CNTLN: variants seen among roughly 807,000 people sequenced by gnomAD.
The protein encoded by CNTLN is centlein, also known as centlein, centrosomal protein.
A neutral mutation model predicts 180.0 loss-of-function variants in CNTLN; 212 were observed. The observed-to-expected ratio is 1.18, with a 90% CI of 1.05 to 1.32. The LOEUF is 1.32. Ranked by LOEUF, CNTLN falls within the 40% of genes most tolerant of loss-of-function variation. The pLI is 0.00. For missense variants in CNTLN, 2,095 were observed against 1,610.9 expected, an observed-to-expected ratio of 1.30 and a Z score of -5.14; for synonymous variants, 722 against 563.1, an observed-to-expected ratio of 1.28 and a Z score of -3.99.
intron 2 of CNTLN, among the ~76,000 whole-genome samples, chr9:17,207,016 G>T (rs1822971440): frequency 6.6e-6 from 1 of 152,168 alleles, no homozygotes; most frequent in South Asian, 2.1e-4. Flanking sequence ...GGACTCTGGA[G>T]CCCAGGCTGT....
At chr9:17,504,129 A>G (rs1009132505), downstream of CNTLN, among the ~76,000 whole-genome samples, 1 of 152,092 alleles carries the variant, frequency 6.6e-6, no homozygotes, top group Non-Finnish European at 1.5e-5. Context: ...CACACTTTTC[A>G]TGTCAAAACA....
At chr9:17,493,344 G>T (rs1168749749) in intron 25 of CNTLN, among the ~76,000 whole-genome samples, 1 of 152,038 alleles carries the variant, frequency 6.6e-6, no homozygotes, top group African/African-American at 2.4e-5. Context: ...AAAATATTGG[G>T]AGGCTCTTAT....
At chr9:17,478,790 G>C (rs2134280967) in intron 23 of CNTLN, among the ~76,000 whole-genome samples, 1 of 152,202 alleles carries the variant, frequency 6.6e-6, no homozygotes, top group Middle Eastern at 3.4e-3. Context: ...TATATTTATG[G>C]ATTTATTACT....
In CNTLN at chr9:17,464,576, G is replaced by T; in HGVS notation, c.3484G>T (p.Glu1162Ter). 1 of 1,509,848 alleles carries T rather than the reference G, an allele frequency of 6.6e-7. No individual in the cohort carries two copies. The highest frequency in any genetic ancestry group is 8.9e-7 in the Non-Finnish European group (1 of 1,129,510). 93.5% of individuals were successfully genotyped at this position (1,509,848 alleles called of 1,614,324 possible). Residue 1162 changes from glutamate (E) to a stop codon, truncating the protein, a stop_gained, in exon 21 of 26, where the codon GAA (glutamate) becomes TAA (stop). Transcript: ENST00000380647. LOFTEE classifies it high-confidence loss of function. ...DLKFRQKVNL[E>*]SNKSFSEMLQ... is the part of the protein sequence containing the mutation. ...GAAATTTCGACAGAAAGTAAATTTG[G>T]AAAGTAACAAGAGTTTTAGTGAAAT...
At chr9:17,346,131 G>A (rs938305236) in intron 12 of CNTLN, among the ~76,000 whole-genome samples, 10 of 152,162 alleles carry the variant, frequency 6.6e-5, no homozygotes, top group Non-Finnish European at 1.3e-4. Flanking sequence ...CAATCATGGT[G>A]GAAGGTGAAG....
At chr9:17,342,545 T>G in intron 12 of CNTLN, 101 bp downstream of exon 12, 2 of 1,095,592 alleles carry the variant, frequency 1.8e-6, no homozygotes, top group Non-Finnish European at 2.5e-6. Context: ...AAATTTGAAA[T>G]AATCTGATTT....
the CNTLN span, among the ~76,000 whole-genome samples, chr9:17,511,672 G>A: frequency 0.013 from 1,297 of 101,794 alleles, 13 homozygotes; most frequent in African/African-American, 0.039. Context: ...ACACACACAC[G>A]CACACGTGCA....
At chr9:17,467,488 T>G (rs1048972875) in intron 23 of CNTLN, among the ~76,000 whole-genome samples, 5 of 151,594 alleles carry the variant, frequency 3.3e-5, no homozygotes, top group Admixed American at 2.6e-4. Flanking sequence ...AATTCCTTAC[T>G]TTGCTTCTTT....
At chr9:17,180,056 C>T (rs1443303660) in intron 2 of CNTLN, among the ~76,000 whole-genome samples, 1 of 151,676 alleles carries the variant, frequency 6.6e-6, no homozygotes, top group Non-Finnish European at 1.5e-5. Flanking sequence ...CCTATATTGC[C>T]ATATTTGAAA....
intron 2 of CNTLN, among the ~76,000 whole-genome samples, chr9:17,180,091 G>A (rs905165052): frequency 4.0e-5 from 6 of 151,286 alleles, no homozygotes; most frequent in South Asian, 2.1e-4. Context: ...TTACTATATA[G>A]TTGCATCATA....
At chr9:17,216,497 T>C (rs1411066467) in intron 2 of CNTLN, among the ~76,000 whole-genome samples, 1 of 152,158 alleles carries the variant, frequency 6.6e-6, no homozygotes, top group Non-Finnish European at 1.5e-5. Context: ...TATTGGCCGG[T>C]TTATTAAGAT....
Position 17,385,463 on chromosome 9 carries a change from T to G in CNTLN, c.1988-2699T>G, listed in dbSNP as rs1430973189. Among the ~76,000 whole-genome samples the G allele has an allele frequency of 2.0e-5, 3 of 152,258 alleles. No individual in the cohort carries two copies. The East Asian group carries it at 5.8e-4, about 29-fold the overall frequency. On this transcript the variant is annotated intron_variant, in intron 13 of 25. Coordinates refer to ENST00000380647, the MANE Select transcript of CNTLN (RefSeq NM_017738.4). ...AGGGGCTCACCAGGAATCATCTTAT[T>G]AAGCATAAACTCTGGTATGGTTGAA...
chr9:17,330,482 T>TCAGC, intron 8 of CNTLN, 150 bp from the exon 9 acceptor site: 1 of 446,568 alleles, frequency 2.2e-6, no homozygotes, highest in South Asian at 6.5e-5. Context: ...ATGAAAAGGT[T>TCAGC]CAGCTCCTGC....
Position 17,388,128 on chromosome 9 carries a change from G to C in CNTLN, c.1988-34G>C, listed in dbSNP as rs750262763. The stretch of plus-strand genomic sequence containing the variant: ...ACAGGACAGTATTTCAGCAGTACAC[G>C]TGGTATCATAATATATTATTTATTC... On this transcript the variant is annotated intron_variant, in intron 13 of 25. Coordinates refer to ENST00000380647, the MANE Select transcript of CNTLN (RefSeq NM_017738.4). 7 of 1,381,532 alleles carry C rather than the reference G, an allele frequency of 5.1e-6. No homozygotes were observed. In the South Asian group the frequency reaches 7.4e-5, roughly 15 times the overall value. The allele number at this position is 1,381,532 out of a possible 1,614,324, so 85.6% of individuals were successfully genotyped here.
intron 6 of CNTLN, among the ~76,000 whole-genome samples, chr9:17,291,803 A>G (rs1000147415): frequency 1.3e-5 from 2 of 152,182 alleles, no homozygotes; most frequent in African/African-American, 4.8e-5. Flanking sequence ...TAGCCCATTT[A>G]CATTTAAGGT....
chr9:17,426,289 G>A (rs921363033), intron 18 of CNTLN, among the ~76,000 whole-genome samples: 1 of 152,126 alleles, frequency 6.6e-6, no homozygotes, highest in Non-Finnish European at 1.5e-5. Flanking sequence ...CTCCCATCAC[G>A]GGCCCAGAGT....
At chr9:17,298,607 G>T in intron 7 of CNTLN, 1 of 1,071,416 alleles carries the variant, frequency 9.3e-7, no homozygotes, top group Non-Finnish European at 1.1e-6. Context: ...TTTATAAATT[G>T]GCATTCAGAC....
At chr9:17,230,396 G>C (rs1169947659) in intron 3 of CNTLN, among the ~76,000 whole-genome samples, 1 of 150,070 alleles carries the variant, frequency 6.7e-6, no homozygotes, top group Non-Finnish European at 1.5e-5. Flanking sequence ...TGGGGTGTTG[G>C]GGGAGGAGAG....
chr9:17,314,749 C>T (rs1403756312), intron 8 of CNTLN, among the ~76,000 whole-genome samples: 1 of 152,158 alleles, frequency 6.6e-6, no homozygotes, highest in African/African-American at 2.4e-5. Context: ...CTAGATTCTG[C>T]CTACATTTGA....
Sources: allele counts gnomAD v4.1 joint callset (sites outside exome capture counted in the v4.1 genomes callset), GRCh38; gene constraint gnomAD v4.1.1; transcripts MANE v1.5; gene names NCBI Gene and HGNC (gene_info 2026-07-23, HGNC 2026-07-21).